CCDC178: variants seen among roughly 807,000 people sequenced by gnomAD.
CCDC178 encodes the protein coiled-coil domain-containing protein 178.
A neutral mutation model predicts 117.4 loss-of-function variants in CCDC178; 126 were observed. That is an observed-to-expected ratio of 1.07 (90% CI 0.93 to 1.24). CCDC178 has a LOEUF of 1.24. CCDC178 is among the 50% of genes most tolerant of loss of function. The pLI is 0.00. For missense variants in CCDC178, 1,030 were observed against 986.9 expected, an observed-to-expected ratio of 1.04 and a Z score of -0.59; for synonymous variants, 283 against 313.4, an observed-to-expected ratio of 0.90 and a Z score of 1.02.
intron 21 of CCDC178, among the ~76,000 whole-genome samples, chr18:32,995,049 A>G (rs541802012): frequency 5.3e-5 from 8 of 152,102 alleles, no homozygotes; most frequent in Non-Finnish European, 7.4e-5. Flanking sequence ...ATGACCCTGC[A>G]CTCCTTTTCA....
At chr18:33,345,450 T>G (rs1347229487) in intron 9 of CCDC178, among the ~76,000 whole-genome samples, 1 of 152,170 alleles carries the variant, frequency 6.6e-6, no homozygotes, top group Admixed American at 6.5e-5. Context: ...TGCATGACTC[T>G]TAGAAACATT....
chr18:33,292,057 T>C (rs774833213), intron 12 of CCDC178, among the ~76,000 whole-genome samples: 18 of 149,764 alleles, frequency 1.2e-4, no homozygotes, highest in African/African-American at 2.9e-4. Context: ...GAATTACATA[T>C]GATCCAACAA....
intron 22 of CCDC178, among the ~76,000 whole-genome samples, chr18:32,949,351 T>G (rs757076665): frequency 2.6e-5 from 4 of 152,150 alleles, no homozygotes; most frequent in Non-Finnish European, 5.9e-5. Context: ...CTTTATTTTC[T>G]TCTCTTTCAT....
At chr18:33,227,560 A>C (rs199650215) in intron 15 of CCDC178, among the ~76,000 whole-genome samples, 2 of 114,464 alleles carry the variant, frequency 1.7e-5, no homozygotes, top group African/African-American at 3.3e-5. Flanking sequence ...GTGTGTGTAT[A>C]TATATATATA....
intron 20 of CCDC178, among the ~76,000 whole-genome samples, chr18:33,180,262 T>C (rs1350665744): frequency 2.0e-5 from 3 of 151,894 alleles, no homozygotes; most frequent in Non-Finnish European, 4.4e-5. Flanking sequence ...TTTCTATTTA[T>C]GTATAACTAA....
At chr18:33,395,563 T>G (rs1012416513) in intron 4 of CCDC178, among the ~76,000 whole-genome samples, 3 of 152,090 alleles carry the variant, frequency 2.0e-5, no homozygotes, top group African/African-American at 7.2e-5. Context: ...CTTTGGCTAT[T>G]CATCACTTAA....
At chr18:33,007,791 C>A (rs1568213697) in intron 21 of CCDC178, among the ~76,000 whole-genome samples, 1 of 152,210 alleles carries the variant, frequency 6.6e-6, no homozygotes, top group East Asian at 1.9e-4. Flanking sequence ...AGCTATAGGA[C>A]TACACAGTTT....
At chr18:33,055,121 T>G (rs1425623768) in intron 21 of CCDC178, among the ~76,000 whole-genome samples, 1 of 152,138 alleles carries the variant, frequency 6.6e-6, no homozygotes, top group Non-Finnish European at 1.5e-5. Flanking sequence ...TTTTAATGCT[T>G]TTTTTTCTTG....
intron 20 of CCDC178, among the ~76,000 whole-genome samples, chr18:33,126,998 A>G (rs2058013715): frequency 8.5e-6 from 1 of 117,680 alleles, no homozygotes; most frequent in Non-Finnish European, 1.7e-5. Context: ...AAAAAAAAAA[A>G]TATATATATA....
chr18:33,009,923 T>G (rs192274873), intron 21 of CCDC178, among the ~76,000 whole-genome samples: 5 of 152,242 alleles, frequency 3.3e-5, no homozygotes, highest in Admixed American at 2.0e-4. Flanking sequence ...TGACAGAAAT[T>G]TTGAGTAATC....
chr18:33,174,893 G>A (rs461106), intron 20 of CCDC178, among the ~76,000 whole-genome samples: 2 of 151,498 alleles, frequency 1.3e-5, no homozygotes, highest in Non-Finnish European at 2.9e-5. Flanking sequence ...TTACTCTTAT[G>A]TCCCAGGCTG....
intron 4 of CCDC178, among the ~76,000 whole-genome samples, chr18:33,395,010 A>G (rs907617109): frequency 2.2e-5 from 3 of 139,238 alleles, no homozygotes; most frequent in South Asian, 2.3e-4. Context: ...TGAACAAGAT[A>G]GTTACAAACT....
chr18:33,009,736 C>A (rs947866564), intron 21 of CCDC178, among the ~76,000 whole-genome samples: 1 of 152,062 alleles, frequency 6.6e-6, no homozygotes, highest in Non-Finnish European at 1.5e-5. Context: ...TATTTACTAT[C>A]GTAATGCAAA....
intron 9 of CCDC178, among the ~76,000 whole-genome samples, chr18:33,340,935 C>T (rs1210365096): frequency 6.6e-6 from 1 of 152,132 alleles, no homozygotes; most frequent in Non-Finnish European, 1.5e-5. Context: ...GGGCACTGCC[C>T]AGTGGAGCTG....
chr18:33,286,796 TC>T (rs549341160), intron 12 of CCDC178, among the ~76,000 whole-genome samples: 2 of 152,160 alleles, frequency 1.3e-5, no homozygotes, highest in Non-Finnish European at 2.9e-5. Flanking sequence ...TATTTCTAAA[TC>T]CCTAAAAGTT....
At chr18:33,376,850 CATTGATGGACACCTAG>C (rs1166511309) in intron 5 of CCDC178, among the ~76,000 whole-genome samples, 1 of 152,108 alleles carries the variant, frequency 6.6e-6, no homozygotes, top group African/African-American at 2.4e-5. Flanking sequence ...TCCAATCCAC[CATTGATGGACACCTAG>C]ATTGATTCTA....
intron 18 of CCDC178, among the ~76,000 whole-genome samples, chr18:33,216,163 T>C (rs1313078055): frequency 6.6e-6 from 1 of 152,064 alleles, no homozygotes; most frequent in Non-Finnish European, 1.5e-5. Context: ...TAAAATTGTT[T>C]ATTCTCTCTG....
chr18:32,981,021 T>C (rs1029236878), intron 21 of CCDC178, among the ~76,000 whole-genome samples: 1 of 152,162 alleles, frequency 6.6e-6, no homozygotes, highest in Non-Finnish European at 1.5e-5. Context: ...CATTATGGTA[T>C]GTTCATACCC....
chr18:33,223,337 G>A (rs2059261822), intron 17 of CCDC178, 118 bp from the exon 18 acceptor site: 2 of 1,136,378 alleles, frequency 1.8e-6, no homozygotes, highest in African/African-American at 1.6e-5. Flanking sequence ...GGCAAATAAA[G>A]GGAAAGAACC....
Sources: allele counts gnomAD v4.1 joint callset (sites outside exome capture counted in the v4.1 genomes callset), GRCh38; gene constraint gnomAD v4.1.1; transcripts MANE v1.5; gene names NCBI Gene and HGNC (gene_info 2026-07-23, HGNC 2026-07-21).